PMEPA1: variants seen among roughly 807,000 people sequenced by gnomAD.
PMEPA1 encodes the protein protein TMEPAI.
Under a neutral mutation model 23.0 loss-of-function variants are expected in PMEPA1, and 11 were observed. The observed-to-expected ratio is 0.48, with a 90% CI of 0.30 to 0.79. The LOEUF (loss-of-function observed/expected upper bound fraction) is 0.79. Among genes scored for constraint, PMEPA1 ranks in the 30% least tolerant of loss-of-function variants. The pLI is 0.06. For synonymous variants in PMEPA1, 204 were observed against 166.4 expected (o/e 1.23, Z -1.74); for missense variants, 377 against 390.9 (o/e 0.96, Z 0.30).
intron 1 of PMEPA1, among the ~76,000 whole-genome samples, chr20:57,684,040 A>G (rs1568978066): frequency 6.6e-6 from 1 of 152,174 alleles, no homozygotes; most frequent in Non-Finnish European, 1.5e-5. Flanking sequence ...GCAACACCGC[A>G]GTCAAGTAGG....
At chr20:57,657,579 A>G (rs1450513399) in intron 2 of PMEPA1, among the ~76,000 whole-genome samples, 5 of 152,230 alleles carry the variant, frequency 3.3e-5, no homozygotes, top group Non-Finnish European at 5.9e-5. Flanking sequence ...CGCCCTCCGG[A>G]CAGCGTGCTG....
rs1321529755 is a variant in PMEPA1, at chr20:57,652,227, G to A, written c.690C>T (p.Pro230=). The part of the protein sequence containing the change: ...GSGGRMEGPP[P]TYSEVIGHYP... ...AGTGGCCGATGACCTCGCTGTAGGT[G>A]GGCGGCGGCCCCTCCATGCGCCCGC... Residue 230 remains proline (P), a synonymous_variant, in exon 4 of 4, where the codon CCC becomes CCT. Coordinates refer to ENST00000341744, the MANE Select transcript of PMEPA1 (RefSeq NM_020182.5). The surrounding 1 kb of genome is among the most constrained non-coding windows in gnomAD (Gnocchi z 6.1). 1 of 1,608,000 alleles carries A rather than the reference G, an allele frequency of 6.2e-7. No homozygotes were observed. The highest frequency in any genetic ancestry group is 1.1e-5 in the South Asian group (1 of 90,922).
intron 1 of PMEPA1, among the ~76,000 whole-genome samples, chr20:57,672,711 C>T (rs1199860681): frequency 6.6e-6 from 1 of 152,184 alleles, no homozygotes; most frequent in Non-Finnish European, 1.5e-5. Context: ...CTGGAGGAAG[C>T]AGTGAGGGTC....
rs1179079683 is a variant in PMEPA1 at position 57,683,550 on chromosome 20, TGTGC to T, written c.110-23857_110-23854del. Among the ~76,000 whole-genome samples the T allele has an allele frequency of 8.3e-5, 7 of 84,310 alleles. No individual in the cohort carries two copies. The highest frequency in any genetic ancestry group is 2.1e-4 in the African/African-American group (3 of 14,032). The allele number at this position is 84,310 out of a possible 152,430, so 55.3% of individuals were successfully genotyped here. A position where few individuals can be genotyped will look rare whatever the true frequency, so the allele number is the denominator to read the frequency against. ...AACTCGGTGGTGGTGTTCTGGCCTGTGTGCGTGTGTGTGTGTGTGTGTGTGTGTG... is the reference window on the plus strand; with the variant it reads ...AACTCGGTGGTGGTGTTCTGGCCTGTGTGTGTGTGTGTGTGTGTGTGTGTG... On this transcript the variant is annotated intron_variant, in intron 1 of 3. Coordinates refer to ENST00000341744, the MANE Select transcript of PMEPA1 (RefSeq NM_020182.5). The surrounding 1 kb of genome is among the most constrained non-coding windows in gnomAD (Gnocchi z 4.3).
intron 1 of PMEPA1, among the ~76,000 whole-genome samples, chr20:57,708,217 C>A (rs1568691050): frequency 6.6e-6 from 1 of 152,252 alleles, no homozygotes. Context: ...TGCTTCTCAG[C>A]TCCGGGCCCC....
chr20:57,704,760 G>T lies in PMEPA1; in HGVS notation c.109+4714C>A, dbSNP rs151231503. 3.5e-4 allele frequency among the ~76,000 whole-genome samples: 54 copies of T among 152,316 alleles called. No homozygotes were observed. The highest frequency in any genetic ancestry group is 1.0e-3 in the African/African-American group (42 of 41,584). ...AACCCCCTGGCCCTGGGCCACGATG[G>T]GAGTGGAGATGGTGGGGGCAGGCAT... is the stretch of plus-strand genomic sequence containing the variant. On this transcript the variant is annotated intron_variant, in intron 1 of 3. Coordinates refer to ENST00000341744, the MANE Select transcript of PMEPA1 (RefSeq NM_020182.5). This position sits in a 1 kb window ranked among gnomAD's most constrained non-coding sequence, Gnocchi z 4.6.
Position 57,652,564 on chromosome 20 carries a change from C to T in PMEPA1, c.353G>A (p.Arg118His), listed in dbSNP as rs761429643. 26 of 1,520,164 alleles carry T rather than the reference C, an allele frequency of 1.7e-5. No individual in the cohort carries two copies. The highest frequency in any genetic ancestry group is 3.9e-5 in the South Asian group (3 of 76,456). The allele number at this position is 1,520,164 out of a possible 1,614,324, so 94.2% of individuals were successfully genotyped here. ...QVYAPPRPTD[R>H]LAVPPFAQRE... ...CTGGGCGAAGGGCGGCACGGCCAGGCGGTCGGTGGGCCGAGGCGGGGCGTA... is the reference window on the plus strand; with the variant it reads ...CTGGGCGAAGGGCGGCACGGCCAGGTGGTCGGTGGGCCGAGGCGGGGCGTA... The change falls in exon 4 of 4, where the codon CGC (arginine) becomes CAC (histidine). Residue 118 changes from arginine to histidine, a missense_variant. Transcript: ENST00000341744. The surrounding 1 kb of genome is among the most constrained non-coding windows in gnomAD (Gnocchi z 6.1).
Position 57,709,685 on chromosome 20 carries a change from G to A in PMEPA1, c.-103C>T. The A allele has an allele frequency of 1.0e-6, 1 of 977,392 alleles. No homozygotes were observed. The allele number at this position is 977,392 out of a possible 1,614,324, so 60.5% of individuals were successfully genotyped here. ...GGGGCCCCGCATGCAGGAGGCGCGCGGCGGGGGAGGCGCGCCCCGGCTCGC... is the reference window on the plus strand; with the variant it reads ...GGGGCCCCGCATGCAGGAGGCGCGCAGCGGGGGAGGCGCGCCCCGGCTCGC... On this transcript the variant is annotated 5_prime_UTR_variant, in exon 1 of 4. Coordinates refer to ENST00000341744, the MANE Select transcript of PMEPA1 (RefSeq NM_020182.5).
rs2071262682 is a variant in PMEPA1, at chr20:57,652,565, G to A, written c.352C>T (p.Arg118Cys). The change falls in exon 4 of 4, where the codon CGC becomes TGC. Residue 118 changes from arginine (R) to cysteine (C), a missense_variant. Arg to Cys is a radical substitution (Grantham distance 180). Around this residue, in one of 3 missense-constraint regions of PMEPA1, gnomAD observed 198 missense variants for 196.3 expected, o/e 1.01. Coordinates refer to ENST00000341744, the MANE Select transcript of PMEPA1 (RefSeq NM_020182.5). The surrounding 1 kb of genome is among the most constrained non-coding windows in gnomAD (Gnocchi z 6.1). ...TGGGCGAAGGGCGGCACGGCCAGGCGGTCGGTGGGCCGAGGCGGGGCGTAG... is the reference window on the plus strand; with the variant it reads ...TGGGCGAAGGGCGGCACGGCCAGGCAGTCGGTGGGCCGAGGCGGGGCGTAG... ...QVYAPPRPTD[R>C]LAVPPFAQRE... 2.6e-6 allele frequency: 4 copies of A among 1,520,048 alleles called. No individual in the cohort carries two copies. The highest frequency in any genetic ancestry group is 3.5e-6 in the Non-Finnish European group (4 of 1,134,374). The allele number at this position is 1,520,048 out of a possible 1,614,324, so 94.2% of individuals were successfully genotyped here.
chr20:57,709,790 C>T lies in PMEPA1; in HGVS notation c.-208G>A. 1 of 982,608 alleles carries T rather than the reference C, an allele frequency of 1.0e-6. No individual in the cohort carries two copies. Among genetic ancestry groups the T allele is most frequent in the Non-Finnish European group, 1.2e-6 (1 of 828,564 alleles). 60.9% of individuals were successfully genotyped at this position (982,608 alleles called of 1,614,324 possible). Reference sequence around the variant, plus strand: ...CCGCGCTCCGCTGCGCCCCCCCGGCCTCCCCTCGGCAGCCCCGGGGGCGTC... The same window carrying T: ...CCGCGCTCCGCTGCGCCCCCCCGGCTTCCCCTCGGCAGCCCCGGGGGCGTC... On this transcript the variant is annotated 5_prime_UTR_variant, in exon 1 of 4. Coordinates refer to ENST00000341744, the MANE Select transcript of PMEPA1 (RefSeq NM_020182.5).
intron 1 of PMEPA1, among the ~76,000 whole-genome samples, chr20:57,691,627 A>G (rs570922394): frequency 1.3e-5 from 2 of 151,930 alleles, no homozygotes; most frequent in South Asian, 4.2e-4. Flanking sequence ...GAAAATCATT[A>G]CTCTGCTGTT....
intron 1 of PMEPA1, among the ~76,000 whole-genome samples, chr20:57,668,478 G>A (rs531678659): frequency 1.3e-5 from 2 of 152,346 alleles, no homozygotes; most frequent in South Asian, 4.1e-4. Flanking sequence ...AGAACTCCAA[G>A]CTCTGGGCTA....
chr20:57,707,797 G>C (rs947591802), intron 1 of PMEPA1, among the ~76,000 whole-genome samples: 12 of 152,158 alleles, frequency 7.9e-5, no homozygotes, highest in Admixed American at 7.8e-4. Context: ...AAGGCAAAAA[G>C]TGAGGCAAGG....
At chr20:57,664,582 C>T (rs984387074) in intron 1 of PMEPA1, among the ~76,000 whole-genome samples, 12 of 149,736 alleles carry the variant, frequency 8.0e-5, no homozygotes, top group East Asian at 3.8e-4. Flanking sequence ...TTCCGAGGAG[C>T]GCAGGGAGGC....
chr20:57,710,373 A>G (rs6025736), upstream of PMEPA1: 7,127 of 1,395,658 alleles, frequency 5.1e-3, 306 homozygotes, highest in African/African-American at 0.09. Flanking sequence ...TCTTGGGGCT[A>G]GCCTATCTTC....
chr20:57,695,530 C>T (rs6099721), intron 1 of PMEPA1, among the ~76,000 whole-genome samples: 108,202 of 152,264 alleles, frequency 0.71, 39,472 homozygotes, highest in East Asian at 0.97. Context: ...CCCGGCGCAG[C>T]GGCTCACGCC....
intron 1 of PMEPA1, among the ~76,000 whole-genome samples, chr20:57,708,918 C>T (rs2072124460): frequency 1.3e-5 from 2 of 152,034 alleles, no homozygotes; most frequent in Non-Finnish European, 1.5e-5. Context: ...CGACTCAGAC[C>T]CCCAGACACC....
Position 57,651,963 on chromosome 20 carries a change from C to T in PMEPA1, c.*90G>A. ...GAGGGCCACACGATGCGTTGCTGCG[C>T]CCCCCGCCTTCCTCTCACTCCTCTT... On this transcript the variant is annotated 3_prime_UTR_variant, in exon 4 of 4. Coordinates refer to ENST00000341744, the MANE Select transcript of PMEPA1 (RefSeq NM_020182.5). The T allele has an allele frequency of 2.7e-6, 3 of 1,131,618 alleles. No homozygotes were observed. Among genetic ancestry groups the T allele is most frequent in the South Asian group, 3.6e-5 (2 of 55,944 alleles). The allele number at this position is 1,131,618 out of a possible 1,614,324, so 70.1% of individuals were successfully genotyped here.
In PMEPA1 at chr20:57,671,416, T is replaced by C. The variant is rs1488944289; in HGVS notation, c.110-11719A>G. Among the ~76,000 whole-genome samples, 4 of 152,274 alleles carry C rather than the reference T, an allele frequency of 2.6e-5. No homozygotes were observed. The East Asian group carries it at 5.8e-4, about 22-fold the overall frequency. On this transcript the variant is annotated intron_variant, in intron 1 of 3. Transcript: ENST00000341744. ...ACGGCCACAGTCTTCTTGGAGGATA[T>C]TGAGCAGTGCCTGTCAACATTACAC...
Sources: gnomAD v4.1 joint callset for allele counts (sites outside exome capture counted in the v4.1 genomes callset) on GRCh38, gnomAD v4.1.1 for gene constraint, gnomAD v4.1.1 regional missense constraint, Gnocchi (gnomAD v3.1) non-coding constraint, MANE v1.5 for transcripts, NCBI Gene and HGNC (gene_info 2026-07-23, HGNC 2026-07-21) for gene names.